Variants in LHX6 observed in about 807,000 individuals in gnomAD.
The protein encoded by LHX6 is LIM/homeobox protein Lhx6.
A neutral mutation model predicts 47.1 loss-of-function variants in LHX6; 15 were observed. That is an observed-to-expected ratio of 0.32 (90% confidence interval 0.21 to 0.49). LHX6 has a LOEUF of 0.49. Ranked by LOEUF, LHX6 falls within the 20% of genes least tolerant of loss-of-function variation. The pLI is 0.99. For missense variants in LHX6, 404 were observed against 539.6 expected (o/e 0.75, Z 2.49); for synonymous variants, 242 against 233.5 (o/e 1.04, Z -0.33).
Position 122,214,379 on chromosome 9 carries a change from G to A in LHX6, c.687C>T (p.Asn229=). 3.2e-6 allele frequency: 5 copies of A among 1,564,108 alleles called. No homozygotes were observed. Among genetic ancestry groups the A allele is most frequent in the East Asian group, 5.0e-5 (2 of 40,078 alleles). The change falls in exon 6 of 10, where the codon AAC becomes AAT. Residue 229 remains asparagine (N), a synonymous_variant. Transcript: ENST00000394319. The surrounding 1 kb of genome is among the most constrained non-coding windows in gnomAD (Gnocchi z 4.6). ...ENLKRAAENG[N]GLTLEGAVPS... is the part of the protein sequence containing the mutation. ...GCACTGCCCCCTCCAACGTGAGGCC[G>A]TTCCCTGGGGGCGATAGAAGCAGCT...
intron 4 of LHX6, among the ~76,000 whole-genome samples, chr9:122,224,216 T>C (rs924411571): frequency 3.9e-5 from 6 of 151,996 alleles, no homozygotes; most frequent in African/African-American, 1.4e-4. Flanking sequence ...TTAGTAGAGA[T>C]GGGTTTCACC....
Position 122,226,697 on chromosome 9 carries a change from A to G in LHX6, c.339+151T>C. Reference sequence around the variant, plus strand: ...TTTTTCAGACGGAACCCGGGGGCTCAGGCAGACCCTAAGTCTTGCCCAAAG... The same window carrying G: ...TTTTTCAGACGGAACCCGGGGGCTCGGGCAGACCCTAAGTCTTGCCCAAAG... On this transcript the variant is annotated intron_variant, in intron 3 of 9. Coordinates refer to ENST00000394319, the MANE Select transcript of LHX6 (RefSeq NM_014368.5). This position sits in a 1 kb window ranked among gnomAD's most constrained non-coding sequence, Gnocchi z 6.5. 2 of 1,203,716 alleles carry G rather than the reference A, an allele frequency of 1.7e-6. No homozygotes were observed. The highest frequency in any genetic ancestry group is 1.1e-6 in the Non-Finnish European group (1 of 884,272). 74.6% of individuals were successfully genotyped at this position (1,203,716 alleles called of 1,614,324 possible).
chr9:122,227,289 G>C, intron 2 of LHX6, 120 bp downstream of exon 2: 6 of 1,073,864 alleles, frequency 5.6e-6, no homozygotes, highest in Non-Finnish European at 7.6e-6. Context: ...AGAGAGGGGC[G>C]GCGCCCGCCG....
At position 122,204,468 on chromosome 9, in the gene LHX6, T is replaced by C. The variant is rs1480610465; in HGVS notation, c.*292A>G. 5.0e-6 allele frequency: 2 copies of C among 403,408 alleles called. No homozygotes were observed. Among genetic ancestry groups the C allele is most frequent in the Non-Finnish European group, 4.4e-6 (1 of 228,704 alleles). The allele number at this position is 403,408 out of a possible 1,614,324, so 25.0% of individuals were successfully genotyped here. On this transcript the variant is annotated 3_prime_UTR_variant, in exon 10 of 10. Coordinates refer to ENST00000394319, the MANE Select transcript of LHX6 (RefSeq NM_014368.5). ...CTTTTGTTATTGTAATCAGCTGAAG[T>C]TGAAGAGGACTCCTGTTTAAATGGG... is the stretch of plus-strand genomic sequence containing the variant.
At chr9:122,228,616 A>C in intron 1 of LHX6, 41 bp downstream of exon 1, 1 of 1,300,064 alleles carries the variant, frequency 7.7e-7, no homozygotes, top group Non-Finnish European at 9.7e-7. Flanking sequence ...ACCCTGCCCG[A>C]CCCCGGCCCG....
chr9:122,227,276 C>T, intron 2 of LHX6, 133 bp downstream of exon 2: 1 of 1,000,798 alleles, frequency 1.0e-6, no homozygotes, highest in Non-Finnish European at 1.4e-6. Flanking sequence ...AAAACCGAGG[C>T]TCAGAGAGGG....
At chr9:122,223,205 G>T (rs1830944740) in intron 4 of LHX6, among the ~76,000 whole-genome samples, 1 of 152,140 alleles carries the variant, frequency 6.6e-6, no homozygotes, top group Non-Finnish European at 1.5e-5. Flanking sequence ...GGTTATGCCT[G>T]CAGGGGGAGA....
intron 1 of LHX6, chr9:122,228,168 G>A: frequency 9.9e-7 from 1 of 1,005,302 alleles, no homozygotes; most frequent in Non-Finnish European, 1.4e-6. Flanking sequence ...CACGGATTCA[G>A]GCGCCTTTCG....
Position 122,214,246 on chromosome 9 carries a change from GGCCCCC to G in LHX6, c.783+31_783+36del, listed in dbSNP as rs754966828. ...TGTCGGCCCCGCCCACTTTCGGCCCGGCCCCCGCCCCCGCCGCCCACTGCTTGCAGC... is the reference window on the plus strand; with the variant it reads ...TGTCGGCCCCGCCCACTTTCGGCCCGGCCCCCGCCGCCCACTGCTTGCAGC... On this transcript the variant is annotated intron_variant, in intron 6 of 9. Coordinates refer to ENST00000394319, the MANE Select transcript of LHX6 (RefSeq NM_014368.5). The surrounding 1 kb of genome is among the most constrained non-coding windows in gnomAD (Gnocchi z 4.6). The G allele has an allele frequency of 2.2e-6, 3 of 1,375,290 alleles. No individual in the cohort carries two copies. Among genetic ancestry groups the G allele is most frequent in the East Asian group, 3.6e-5 (1 of 27,772 alleles). The allele number at this position is 1,375,290 out of a possible 1,614,324, so 85.2% of individuals were successfully genotyped here.
intron 2 of LHX6, 143 bp from the exon 3 acceptor site, chr9:122,227,173 T>A (rs1831138438): frequency 2.4e-6 from 2 of 833,480 alleles, no homozygotes; most frequent in Admixed American, 3.2e-5. Flanking sequence ...AGGACAGGGA[T>A]GGAAGGGCCT....
At position 122,213,931 on chromosome 9, in the gene LHX6, G is replaced by GC; in HGVS notation, c.879+42_879+43insG. ...GCGCCGAGCCCAGCTACGAGCTCCG[G>GC]GGCGTGCCCGCGGTCCCCAGGCCCC... On this transcript the variant is annotated intron_variant, in intron 7 of 9. Transcript: ENST00000394319. This position sits in a 1 kb window ranked among gnomAD's most constrained non-coding sequence, Gnocchi z 5.5. 6.5e-7 allele frequency: 1 copy of GC among 1,545,612 alleles called. No individual in the cohort carries two copies. The highest frequency in any genetic ancestry group is 8.8e-7 in the Non-Finnish European group (1 of 1,133,756).
rs750739447 is a variant in LHX6 at position 122,217,051 on chromosome 9, C to A, written c.682+17G>T. 9.3e-6 allele frequency: 15 copies of A among 1,607,860 alleles called. No homozygotes were observed. Among genetic ancestry groups the A allele is most frequent in the Non-Finnish European group, 8.5e-7 (1 of 1,175,008 alleles). On this transcript the variant is annotated intron_variant, in intron 5 of 9. Coordinates refer to ENST00000394319, the MANE Select transcript of LHX6 (RefSeq NM_014368.5). This position sits in a 1 kb window ranked among gnomAD's most constrained non-coding sequence, Gnocchi z 4.9. ...AAGGGCTGGGGGCAGAGGTGCCAGG[C>A]GGAGCAGGTTGGGTACCGTTCTCGG...
intron 8 of LHX6, among the ~76,000 whole-genome samples, chr9:122,211,485 A>G (rs1279075342): frequency 6.6e-6 from 1 of 152,192 alleles, no homozygotes; most frequent in East Asian, 1.9e-4. Context: ...ACTCTACAGA[A>G]AAACTCATTT....
Position 122,204,658 on chromosome 9 carries a change from G to T in LHX6, c.*102C>A. The T allele has an allele frequency of 7.1e-7, 1 of 1,415,224 alleles. No individual in the cohort carries two copies. The highest frequency in any genetic ancestry group is 1.3e-5 in the South Asian group (1 of 76,454). The allele number at this position is 1,415,224 out of a possible 1,614,324, so 87.7% of individuals were successfully genotyped here. ...GGCAGGATGGCGGACGGGGGTGGAT[G>T]CGGAGGTGGGTGGACTCCTGGCCGC... is the stretch of plus-strand genomic sequence containing the variant. On this transcript the variant is annotated 3_prime_UTR_variant, in exon 10 of 10. Coordinates refer to ENST00000394319, the MANE Select transcript of LHX6 (RefSeq NM_014368.5).
intron 9 of LHX6, 58 bp from the exon 10 acceptor site, chr9:122,204,838 C>A: frequency 8.0e-7 from 1 of 1,249,098 alleles, no homozygotes; most frequent in South Asian, 1.5e-5. Flanking sequence ...CCCTGCTGCC[C>A]CCCAGAGAAC....
At position 122,213,966 on chromosome 9, in the gene LHX6, C is replaced by CCGGCCCCCCGGGT; in HGVS notation, c.879+7_879+8insACCCGGGGGGCCG. 6.3e-7 allele frequency: 1 copy of CCGGCCCCCCGGGT among 1,580,130 alleles called. No individual in the cohort carries two copies. The highest frequency in any genetic ancestry group is 8.6e-7 in the Non-Finnish European group (1 of 1,161,540). On this transcript the variant is annotated splice_region_variant and intron_variant, in intron 7 of 9. Transcript: ENST00000394319. This position sits in a 1 kb window ranked among gnomAD's most constrained non-coding sequence, Gnocchi z 5.5. The stretch of plus-strand genomic sequence containing the variant: ...GCGGTCCCCAGGCCCCGCCCACCCC[C>CCGGCCCCCCGGGT]GTCCCACCTGGATGACTCTCCGGCT...
rs546257873 is a variant in LHX6, at chr9:122,220,426, T to G, written c.462-3138A>C. On this transcript the variant is annotated intron_variant, in intron 4 of 9. Transcript: ENST00000394319. ...GCGTGTCCCTCACCCAGGACAGGAG[T>G]CAGCAGCACGAAGGGCGCGAGGAGG... 2.6e-5 allele frequency among the ~76,000 whole-genome samples: 4 copies of G among 151,820 alleles called. No homozygotes were observed. The South Asian group carries it at 6.3e-4, about 24-fold the overall frequency.
Position 122,226,803 on chromosome 9 carries a change from T to A in LHX6, c.339+45A>T, listed in dbSNP as rs1271265298. ...CTTCCCTGCAGTCTCCTGCGCTGCG[T>A]CCCACGCCCCGACAACACGCACGCA... On this transcript the variant is annotated intron_variant, in intron 3 of 9. Coordinates refer to ENST00000394319, the MANE Select transcript of LHX6 (RefSeq NM_014368.5). This position sits in a 1 kb window ranked among gnomAD's most constrained non-coding sequence, Gnocchi z 6.5. 1 of 1,539,774 alleles carries A rather than the reference T, an allele frequency of 6.5e-7. No individual in the cohort carries two copies. The highest frequency in any genetic ancestry group is 8.8e-7 in the Non-Finnish European group (1 of 1,141,012).
chr9:122,217,362 G>A lies in LHX6; in HGVS notation c.462-74C>T. 5 of 1,247,446 alleles carry A rather than the reference G, an allele frequency of 4.0e-6. No individual in the cohort carries two copies. Among genetic ancestry groups the A allele is most frequent in the Non-Finnish European group, 5.6e-6 (5 of 897,400 alleles). The allele number at this position is 1,247,446 out of a possible 1,614,324, so 77.3% of individuals were successfully genotyped here. A position where few individuals can be genotyped will look rare whatever the true frequency, so the allele number is the denominator to read the frequency against. ...ACCTTCCTCCTTCCACCACCCAATG[G>A]CCCGCCAGCCCCCAGGCTCCTGGCC... On this transcript the variant is annotated intron_variant, in intron 4 of 9. Coordinates refer to ENST00000394319, the MANE Select transcript of LHX6 (RefSeq NM_014368.5). The surrounding 1 kb of genome is among the most constrained non-coding windows in gnomAD (Gnocchi z 4.9).
Sources: allele counts gnomAD v4.1 joint callset (sites outside exome capture counted in the v4.1 genomes callset), GRCh38; gene constraint gnomAD v4.1.1; non-coding constraint Gnocchi (gnomAD v3.1); transcripts MANE v1.5; gene names NCBI Gene and HGNC (gene_info 2026-07-23, HGNC 2026-07-21).